Variants in NCOA1 observed in about 807,000 individuals in gnomAD.
NCOA1 encodes nuclear receptor coactivator 1.
A neutral mutation model predicts 150.9 loss-of-function variants in NCOA1; 35 were observed. That is an observed-to-expected ratio of 0.23 (90% CI 0.18 to 0.31). NCOA1 has a LOEUF of 0.31. NCOA1 is among the 10% of genes least tolerant of loss of function. NCOA1 has a pLI of 1.00. For synonymous variants in NCOA1, 590 were observed against 630.0 expected (o/e 0.94, Z 0.95); for missense variants, 1,491 against 1,749.3 (o/e 0.85, Z 2.63).
chr2:24,671,722 G>A (rs973602997), intron 6 of NCOA1, among the ~76,000 whole-genome samples: 8 of 151,834 alleles, frequency 5.3e-5, no homozygotes, highest in Admixed American at 4.6e-4. Flanking sequence ...CACCACGCCC[G>A]GCTAATTTTT....
intron 20 of NCOA1, among the ~76,000 whole-genome samples, chr2:24,754,007 A>G (rs1664377298): frequency 6.6e-6 from 1 of 152,338 alleles, no homozygotes; most frequent in East Asian, 1.9e-4. Context: ...TCAGTAAATG[A>G]CAATTCCATT....
At chr2:24,757,897 T>C in intron 20 of NCOA1, 76 bp from the exon 21 acceptor site, 1 of 1,419,300 alleles carries the variant, frequency 7.0e-7, no homozygotes, top group Non-Finnish European at 9.7e-7. Flanking sequence ...CATATTTTAT[T>C]TGGAAACAGA....
chr2:24,749,721 G>GA (rs1360191785), intron 19 of NCOA1, among the ~76,000 whole-genome samples: 3 of 151,484 alleles, frequency 2.0e-5, no homozygotes, highest in Admixed American at 6.6e-5. Flanking sequence ...TAAAAGAAGA[G>GA]AAAAAAAATC....
In NCOA1 at chr2:24,768,203, C is replaced by G. The variant is rs1248820065; in HGVS notation, c.4156-18C>G. 1.9e-6 allele frequency: 3 copies of G among 1,611,570 alleles called. No homozygotes were observed. In the South Asian group the frequency reaches 3.3e-5, roughly 18 times the overall value. On this transcript the variant is annotated intron_variant, in intron 22 of 22. Coordinates refer to ENST00000348332, the MANE Select transcript of NCOA1 (RefSeq NM_003743.5). ...GGCAGACCCTTCTGTCTAAACACAT[C>G]TTTTATTTGTGTTCCAGCAGGTGCA...
chr2:24,756,000 G>A (rs1479286086), intron 20 of NCOA1, among the ~76,000 whole-genome samples: 2 of 148,556 alleles, frequency 1.3e-5, no homozygotes, highest in Admixed American at 6.9e-5. Context: ...TTGGGAGGCC[G>A]AGGCAGGTTG....
chr2:24,617,918 C>G (rs112703631), intron 3 of NCOA1, among the ~76,000 whole-genome samples: 1 of 152,120 alleles, frequency 6.6e-6, no homozygotes, highest in South Asian at 2.1e-4. Flanking sequence ...ACAGTAAAAT[C>G]TCTGTGGAAT....
intron 8 of NCOA1, among the ~76,000 whole-genome samples, chr2:24,686,207 T>C (rs1451021812): frequency 1.3e-5 from 2 of 152,096 alleles, no homozygotes; most frequent in Admixed American, 6.5e-5. Context: ...TTCACCATGT[T>C]GGCCAGGCTG....
intron 2 of NCOA1, among the ~76,000 whole-genome samples, chr2:24,569,752 C>T (rs1666662923): frequency 6.6e-6 from 1 of 150,462 alleles, no homozygotes; most frequent in Non-Finnish European, 1.5e-5. Flanking sequence ...CGCCCGTAAT[C>T]CCAGCTACTT....
intron 3 of NCOA1, among the ~76,000 whole-genome samples, chr2:24,594,832 C>T (rs1319277676): frequency 6.6e-6 from 1 of 151,962 alleles, no homozygotes; most frequent in African/African-American, 2.4e-5. Flanking sequence ...AATTAGGATG[C>T]GATGAGACTG....
intron 4 of NCOA1, among the ~76,000 whole-genome samples, chr2:24,653,334 T>C (rs1440372489): frequency 6.6e-6 from 1 of 152,184 alleles, no homozygotes; most frequent in Non-Finnish European, 1.5e-5. Flanking sequence ...AAAATTAGAA[T>C]ATTCCCTAAT....
chr2:24,653,863 C>T (rs1670811262), intron 4 of NCOA1, among the ~76,000 whole-genome samples: 1 of 152,122 alleles, frequency 6.6e-6, no homozygotes. Context: ...TTGAATTGGG[C>T]AAATTCTAAA....
At chr2:24,720,865 T>G (rs1376168235) in intron 14 of NCOA1, among the ~76,000 whole-genome samples, 2 of 152,238 alleles carry the variant, frequency 1.3e-5, no homozygotes, top group Non-Finnish European at 2.9e-5. Context: ...GCCCACATCT[T>G]AAGTTTGTGC....
chr2:24,626,913 G>A (rs911682948), intron 3 of NCOA1, among the ~76,000 whole-genome samples: 37 of 152,094 alleles, frequency 2.4e-4, no homozygotes, highest in African/African-American at 8.9e-4. Flanking sequence ...TAAGCTAAAG[G>A]AGAGTTCAAC....
chr2:24,497,934 A>C (rs1318021523), intron 1 of NCOA1, among the ~76,000 whole-genome samples: 1 of 152,208 alleles, frequency 6.6e-6, no homozygotes, highest in Non-Finnish European at 1.5e-5. Context: ...TTTATCTTAA[A>C]ATTCCAGTTT....
chr2:24,729,745 T>C lies in NCOA1; in HGVS notation c.3131T>C (p.Leu1044Pro). ...ATGGGCATGCAGCCCAGGCAAACTC[T>C]AAACAGACCTCCGGCTGCACCTAAC... ...PGMGMQPRQT[L>P]NRPPAAPNQL... is the part of the protein sequence containing the mutation. Residue 1044 changes from leucine (L) to proline (P), a missense_variant, in exon 17 of 23, where the codon CTA becomes CCA. Transcript: ENST00000348332. 3 of 1,614,198 alleles carry C rather than the reference T, an allele frequency of 1.9e-6. No homozygotes were observed. In the South Asian group the frequency reaches 3.3e-5, roughly 18 times the overall value.
intron 3 of NCOA1, among the ~76,000 whole-genome samples, chr2:24,586,147 G>C (rs1165432219): frequency 6.6e-6 from 1 of 151,798 alleles, no homozygotes; most frequent in Non-Finnish European, 1.5e-5. Context: ...GTGGTGGCGG[G>C]CTCCTGTAGT....
intron 19 of NCOA1, among the ~76,000 whole-genome samples, chr2:24,747,776 A>C (rs1664010140): frequency 6.6e-6 from 1 of 151,896 alleles, no homozygotes; most frequent in African/African-American, 2.4e-5. Flanking sequence ...GTGGCAAAAC[A>C]AAAACAAAAA....
intron 1 of NCOA1, among the ~76,000 whole-genome samples, chr2:24,561,965 A>G (rs926876118): frequency 6.6e-6 from 1 of 152,176 alleles, no homozygotes; most frequent in African/African-American, 2.4e-5. Context: ...ACTGGTTGGT[A>G]ATTTGAAATG....
At chr2:24,496,950 A>G (rs1444052800) in intron 1 of NCOA1, among the ~76,000 whole-genome samples, 2 of 152,262 alleles carry the variant, frequency 1.3e-5, no homozygotes. Flanking sequence ...GAATTAATTA[A>G]GACCGTTTTC....
Sources: allele counts gnomAD v4.1 joint callset (sites outside exome capture counted in the v4.1 genomes callset), GRCh38; gene constraint gnomAD v4.1.1; transcripts MANE v1.5; gene names NCBI Gene and HGNC (gene_info 2026-07-23, HGNC 2026-07-21).